NALF1: variants seen among roughly 807,000 people sequenced by gnomAD.
The protein encoded by NALF1 is NALCN channel auxiliary factor 1.
Under a neutral mutation model 48.4 loss-of-function variants are expected in NALF1, and 3 were observed. The ratio of observed to expected loss-of-function variants is 0.06; its 90% CI spans 0.03 to 0.16. The LOEUF (loss-of-function observed/expected upper bound fraction) is 0.16. NALF1 is among the 10% of genes least tolerant of loss of function. NALF1 has a pLI of 1.00. For synonymous variants in NALF1, 262 were observed against 245.7 expected (o/e 1.07, Z -0.62); for missense variants, 526 against 571.5 (o/e 0.92, Z 0.81).
chr13:107,665,993 T>C (rs1369113597), intron 1 of NALF1, among the ~76,000 whole-genome samples: 1 of 152,042 alleles, frequency 6.6e-6, no homozygotes, highest in Non-Finnish European at 1.5e-5. Context: ...TTTTTAAAAT[T>C]AGGAAACAGA....
At chr13:107,212,035 T>C (rs957532581) in intron 1 of NALF1, among the ~76,000 whole-genome samples, 2 of 152,334 alleles carry the variant, frequency 1.3e-5, no homozygotes, top group South Asian at 2.1e-4. Flanking sequence ...TTATCCTATA[T>C]TTAATCTGAA....
intron 1 of NALF1, among the ~76,000 whole-genome samples, chr13:107,726,208 T>C (rs1200177171): frequency 1.3e-5 from 2 of 152,212 alleles, no homozygotes; most frequent in Non-Finnish European, 2.9e-5. Flanking sequence ...CTTTTTGATG[T>C]GCAAAAATGC....
At chr13:107,185,376 C>T (rs1274402264) in intron 2 of NALF1, among the ~76,000 whole-genome samples, 1 of 138,728 alleles carries the variant, frequency 7.2e-6, no homozygotes, top group South Asian at 2.6e-4. Flanking sequence ...GCGTGTTATT[C>T]CCCCCACCCC....
At chr13:107,770,098 A>C (rs886648070) in intron 1 of NALF1, among the ~76,000 whole-genome samples, 1 of 152,060 alleles carries the variant, frequency 6.6e-6, no homozygotes, top group African/African-American at 2.4e-5. Context: ...ATTTTTTAGT[A>C]GAGACGGGGT....
chr13:107,294,202 T>C (rs1015483137), intron 1 of NALF1, among the ~76,000 whole-genome samples: 4 of 152,180 alleles, frequency 2.6e-5, no homozygotes, highest in Admixed American at 2.6e-4. Flanking sequence ...AGGAGAAGAA[T>C]GCTGCTTCAG....
chr13:107,202,133 C>G (rs550312195), intron 2 of NALF1, among the ~76,000 whole-genome samples: 8 of 152,112 alleles, frequency 5.3e-5, no homozygotes, highest in Non-Finnish European at 1.2e-4. Context: ...AGAATTTACA[C>G]ATTTATTCCA....
intron 1 of NALF1, among the ~76,000 whole-genome samples, chr13:107,258,144 G>A (rs554132291): frequency 4.6e-5 from 7 of 152,226 alleles, no homozygotes; most frequent in African/African-American, 9.6e-5. Flanking sequence ...GCAAAAGACC[G>A]CAAAGCAAAT....
At chr13:107,865,624 C>T (rs1880691601) in intron 1 of NALF1, 58 bp downstream of exon 1, 5 of 1,557,050 alleles carry the variant, frequency 3.2e-6, no homozygotes, top group Non-Finnish European at 4.3e-6. Flanking sequence ...GAGAAGACAC[C>T]CCAACCAAGC....
At chr13:107,341,205 C>G (rs1386290554) in intron 1 of NALF1, among the ~76,000 whole-genome samples, 2 of 152,082 alleles carry the variant, frequency 1.3e-5, no homozygotes, top group African/African-American at 2.4e-5. Context: ...AAGATTAATA[C>G]TTCTCATCAG....
intron 2 of NALF1, among the ~76,000 whole-genome samples, chr13:107,203,070 G>C (rs1879554458): frequency 6.6e-6 from 1 of 152,206 alleles, no homozygotes; most frequent in African/African-American, 2.4e-5. Context: ...CAGCTACCAA[G>C]TGGGCATAAA....
At chr13:107,223,694 G>C (rs199834942) in intron 1 of NALF1, among the ~76,000 whole-genome samples, 51 of 152,100 alleles carry the variant, frequency 3.4e-4, no homozygotes, top group African/African-American at 1.2e-3. Flanking sequence ...GACTTGCTGC[G>C]GTCTAACCCC....
intron 1 of NALF1, among the ~76,000 whole-genome samples, chr13:107,541,664 CT>C (rs1264436094): frequency 6.6e-6 from 1 of 152,054 alleles, no homozygotes; most frequent in Admixed American, 6.6e-5. Flanking sequence ...GTGCAGGTGT[CT>C]GCATGTGCCT....
intron 1 of NALF1, among the ~76,000 whole-genome samples, chr13:107,447,331 A>C (rs1884667277): frequency 6.6e-6 from 1 of 152,074 alleles, no homozygotes; most frequent in African/African-American, 2.4e-5. Context: ...TCCCGTGCAG[A>C]GCTCACCTGA....
chr13:107,549,241 G>A (rs1306083668), intron 1 of NALF1, among the ~76,000 whole-genome samples: 1 of 152,128 alleles, frequency 6.6e-6, no homozygotes, highest in African/African-American at 2.4e-5. Flanking sequence ...TATCAATTGA[G>A]GGTGACAGTG....
At chr13:107,840,646 G>A (rs533940837) in intron 1 of NALF1, among the ~76,000 whole-genome samples, 4 of 152,268 alleles carry the variant, frequency 2.6e-5, no homozygotes, top group East Asian at 1.9e-4. Context: ...TCGGATACTC[G>A]GGTTCTATTC....
chr13:107,183,044 C>T (rs991649267), intron 2 of NALF1, among the ~76,000 whole-genome samples: 2 of 152,192 alleles, frequency 1.3e-5, no homozygotes, highest in African/African-American at 2.4e-5. Flanking sequence ...TGCTCCACCT[C>T]GGTGGAGAGG....
At chr13:107,632,909 G>A (rs200104163) in intron 1 of NALF1, among the ~76,000 whole-genome samples, 9 of 139,164 alleles carry the variant, frequency 6.5e-5, no homozygotes, top group African/African-American at 5.3e-5. Context: ...CAAGCCTCAT[G>A]AAAAAAAAAA....
At chr13:107,409,632 C>T (rs1442305965) in intron 1 of NALF1, among the ~76,000 whole-genome samples, 1 of 152,142 alleles carries the variant, frequency 6.6e-6, no homozygotes, top group Non-Finnish European at 1.5e-5. Context: ...ACTGAACCTA[C>T]ACTAGAGCCT....
chr13:107,690,804 T>C (rs190121616), intron 1 of NALF1, among the ~76,000 whole-genome samples: 1 of 152,212 alleles, frequency 6.6e-6, no homozygotes, highest in Non-Finnish European at 1.5e-5. Flanking sequence ...ATTCCTGCTA[T>C]AAACGCTCGT....
Sources: allele counts gnomAD v4.1 joint callset (sites outside exome capture counted in the v4.1 genomes callset), GRCh38; gene constraint gnomAD v4.1.1; transcripts MANE v1.5; gene names NCBI Gene and HGNC (gene_info 2026-07-23, HGNC 2026-07-21).